PTPRZ1: variants seen among roughly 807,000 people sequenced by gnomAD.
PTPRZ1 encodes the protein receptor-type tyrosine-protein phosphatase zeta.
A neutral mutation model predicts 214.1 loss-of-function variants in PTPRZ1; 82 were observed. The observed-to-expected ratio is 0.38, with a 90% CI of 0.32 to 0.46. The LOEUF is 0.46. Among genes scored for constraint, PTPRZ1 ranks in the 20% least tolerant of loss-of-function variants. PTPRZ1 has a pLI of 1.00. For missense variants in PTPRZ1, 2,603 were observed against 2,748.7 expected, an observed-to-expected ratio of 0.95 and a Z score of 1.19; for synonymous variants, 945 against 987.9, an observed-to-expected ratio of 0.96 and a Z score of 0.81.
chr7:122,000,570 A>G (rs1798285368), intron 10 of PTPRZ1, among the ~76,000 whole-genome samples: 1 of 147,084 alleles, frequency 6.8e-6, no homozygotes, highest in Non-Finnish European at 1.5e-5. Context: ...TTTACTAAAT[A>G]TTGTATTGCT....
rs769086727 is a variant in PTPRZ1 at position 121,967,975 on chromosome 7, G to A, written c.149G>A (p.Gly50Glu). 5.7e-6 allele frequency: 9 copies of A among 1,583,170 alleles called. No homozygotes were observed. The East Asian group carries it at 1.8e-4, about 32-fold the overall frequency. Residue 50 changes from glycine to glutamate, a missense_variant, in exon 3 of 30, where the codon GGA becomes GAA. Gly to Glu is a moderately conservative substitution (Grantham distance 98). Coordinates refer to ENST00000393386, the MANE Select transcript of PTPRZ1 (RefSeq NM_002851.3). ...YTGALNQKNW[G>E]KKYPTCNSPK... ...GGAGCACTGAATCAAAAAAATTGGG[G>A]AAAGAAATATCCAACATGTAATAGC... is the stretch of plus-strand genomic sequence containing the variant.
chr7:121,990,623 G>A (rs1440921279), intron 8 of PTPRZ1, among the ~76,000 whole-genome samples: 4 of 145,094 alleles, frequency 2.8e-5, no homozygotes, highest in African/African-American at 1.0e-4. Context: ...GGGTTCAAGC[G>A]ATTCTCCTGC....
At position 122,061,145 on chromosome 7, in the gene PTPRZ1, A is replaced by G. The variant is rs1283141030; in HGVS notation, c.6873A>G (p.Pro2291=). The G allele has an allele frequency of 1.2e-6, 2 of 1,609,372 alleles. No homozygotes were observed. Among genetic ancestry groups the G allele is most frequent in the Middle Eastern group, 1.7e-4 (1 of 6,046 alleles). ...TGAGCACAAGGCAGGAAGAGAATCC[A>G]TCCACCTCTCTGGACAGTAATGGTG... ...SLVSTRQEEN[P]STSLDSNGAA... Residue 2291 remains proline, a synonymous_variant, in exon 30 of 30, where the codon CCA becomes CCG. Transcript: ENST00000393386.
chr7:122,027,917 T>C (rs187700345), intron 13 of PTPRZ1, among the ~76,000 whole-genome samples: 1 of 152,328 alleles, frequency 6.6e-6, no homozygotes, highest in East Asian at 1.9e-4. Flanking sequence ...CTCATTATTT[T>C]CTCATTTAAG....
chr7:121,890,651 CT>C (rs1037394734), intron 1 of PTPRZ1, among the ~76,000 whole-genome samples: 11 of 152,002 alleles, frequency 7.2e-5, no homozygotes, highest in Non-Finnish European at 1.2e-4. Flanking sequence ...TATTATTTCT[CT>C]TTTTATTTTT....
At chr7:122,061,016 C>T (rs1176419456) in intron 29 of PTPRZ1, 64 bp from the exon 30 acceptor site, 11 of 1,456,436 alleles carry the variant, frequency 7.6e-6, no homozygotes, top group Non-Finnish European at 1.0e-5. Context: ...AATATTTCTT[C>T]TTTTTACAAA....
Position 121,945,450 on chromosome 7 carries a change from A to C in PTPRZ1, c.124+17229A>C, listed in dbSNP as rs537077544. ...ATCAAGCCATTGTCTTTTTTTAAGTAGGTAATTTTTTTGGTACATTTTCAA... is the reference window on the plus strand; with the variant it reads ...ATCAAGCCATTGTCTTTTTTTAAGTCGGTAATTTTTTTGGTACATTTTCAA... On this transcript the variant is annotated intron_variant, in intron 2 of 29. Coordinates refer to ENST00000393386, the MANE Select transcript of PTPRZ1 (RefSeq NM_002851.3). 2.0e-5 allele frequency among the ~76,000 whole-genome samples: 3 copies of C among 152,302 alleles called. No homozygotes were observed. The South Asian group carries it at 6.2e-4, about 32-fold the overall frequency.
chr7:121,918,064 A>C (rs994172876), intron 1 of PTPRZ1, among the ~76,000 whole-genome samples: 1 of 152,058 alleles, frequency 6.6e-6, no homozygotes, highest in Admixed American at 6.6e-5. Flanking sequence ...AAAAAAAAGG[A>C]ATTCATGCCA....
At chr7:121,877,155 A>C (rs1794086990) in intron 1 of PTPRZ1, among the ~76,000 whole-genome samples, 2 of 152,154 alleles carry the variant, frequency 1.3e-5, no homozygotes, top group Non-Finnish European at 2.9e-5. Context: ...TTCTCATTTC[A>C]TTCTCCTCAA....
At chr7:121,920,291 T>C (rs1482527288) in intron 1 of PTPRZ1, among the ~76,000 whole-genome samples, 4 of 152,182 alleles carry the variant, frequency 2.6e-5, no homozygotes, top group Non-Finnish European at 4.4e-5. Context: ...ACAGCAATCT[T>C]ATCATTGCTA....
At chr7:121,908,725 C>A in intron 1 of PTPRZ1, 1 of 481,580 alleles carries the variant, frequency 2.1e-6, no homozygotes, top group South Asian at 1.6e-5. Context: ...AAAATGTTTT[C>A]AATAAGTACA....
intron 2 of PTPRZ1, among the ~76,000 whole-genome samples, chr7:121,930,819 A>G (rs1795898384): frequency 2.0e-5 from 3 of 152,198 alleles, no homozygotes; most frequent in African/African-American, 7.2e-5. Flanking sequence ...CCTACGAAAG[A>G]GAAATCCTAG....
Position 121,968,061 on chromosome 7 carries a change from A to C in PTPRZ1, c.235A>C (p.Lys79Gln), listed in dbSNP as rs1797097382. The change falls in exon 3 of 30, where the codon AAA becomes CAA. Residue 79 changes from lysine (K) to glutamine (Q), a missense_variant. Around this residue, in one of 6 missense-constraint regions of PTPRZ1, gnomAD observed 141 missense variants for 143.7 expected, o/e 0.98. Coordinates refer to ENST00000393386, the MANE Select transcript of PTPRZ1 (RefSeq NM_002851.3). ...DLTQVNVNLK[K>Q]LKFQGWDKTS... The stretch of plus-strand genomic sequence containing the variant: ...TACACAAGTAAATGTGAATCTTAAG[A>C]AACTTAAATTTCAGGGTTGGGATAA... The C allele has an allele frequency of 1.2e-6, 2 of 1,605,234 alleles. No homozygotes were observed. Among genetic ancestry groups the C allele is most frequent in the African/African-American group, 2.7e-5 (2 of 74,670 alleles).
intron 11 of PTPRZ1, among the ~76,000 whole-genome samples, chr7:122,008,886 A>G (rs1798566165): frequency 6.6e-6 from 1 of 152,152 alleles, no homozygotes; most frequent in Non-Finnish European, 1.5e-5. Context: ...AATTTTCCCT[A>G]AAAGCAAGTC....
intron 13 of PTPRZ1, among the ~76,000 whole-genome samples, chr7:122,025,386 A>G (rs1167374166): frequency 6.7e-6 from 1 of 148,208 alleles, no homozygotes; most frequent in Non-Finnish European, 1.5e-5. Context: ...CTGGAGTGCA[A>G]TGGTGCGATC....
intron 10 of PTPRZ1, among the ~76,000 whole-genome samples, chr7:122,000,790 G>A (rs1427800427): frequency 1.3e-5 from 2 of 149,092 alleles, no homozygotes; most frequent in African/African-American, 5.0e-5. Flanking sequence ...GGGTTCAAGC[G>A]ATTCTCCTGC....
In PTPRZ1 at chr7:122,061,429, A is replaced by G; in HGVS notation, c.*209A>G. 2.9e-6 allele frequency: 1 copy of G among 346,294 alleles called. No homozygotes were observed. The highest frequency in any genetic ancestry group is 5.1e-6 in the Non-Finnish European group (1 of 196,872). The allele number at this position is 346,294 out of a possible 1,614,324, so 21.5% of individuals were successfully genotyped here. A position where few individuals can be genotyped will look rare whatever the true frequency, so the allele number is the denominator to read the frequency against. ...ATTTACTTATTATGTTTGAACTAAA[A>G]TGATTGAATTTTACAGTATTTCTAA... is the stretch of plus-strand genomic sequence containing the variant. On this transcript the variant is annotated 3_prime_UTR_variant, in exon 30 of 30. Coordinates refer to ENST00000393386, the MANE Select transcript of PTPRZ1 (RefSeq NM_002851.3).
chr7:122,028,966 T>A (rs1330288077), intron 14 of PTPRZ1, among the ~76,000 whole-genome samples: 1 of 152,032 alleles, frequency 6.6e-6, no homozygotes, highest in Non-Finnish European at 1.5e-5. Context: ...TTATTCCTAT[T>A]ATGTTAATGG....
intron 2 of PTPRZ1, among the ~76,000 whole-genome samples, chr7:121,960,029 T>C (rs1490630861): frequency 5.3e-5 from 8 of 152,234 alleles, no homozygotes; most frequent in Non-Finnish European, 8.8e-5. Flanking sequence ...TATTTTTATA[T>C]GTGAATATGT....
Sources: allele counts gnomAD v4.1 joint callset (sites outside exome capture counted in the v4.1 genomes callset), GRCh38; gene constraint gnomAD v4.1.1; regional missense constraint gnomAD v4.1.1; transcripts MANE v1.5; gene names NCBI Gene and HGNC (gene_info 2026-07-23, HGNC 2026-07-21).